Variants in GPRC5D observed in about 807,000 individuals in gnomAD.
The protein encoded by GPRC5D is G protein-coupled receptor class C group 5 member D.
Under a neutral mutation model 29.3 loss-of-function variants are expected in GPRC5D, and 20 were observed. The ratio of observed to expected loss-of-function variants is 0.68; its 90% CI spans 0.48 to 0.99. The LOEUF is 0.99. Among genes scored for constraint, GPRC5D ranks in the 50% least tolerant of loss-of-function variants. GPRC5D has a pLI of 0.00. For synonymous variants in GPRC5D, 178 were observed against 171.3 expected, an observed-to-expected ratio of 1.04 and a Z score of -0.30; for missense variants, 384 against 423.6, an observed-to-expected ratio of 0.91 and a Z score of 0.82.
At chr12:12,940,840 G>A in exon 3 of GPRC5D, 1 of 1,595,242 alleles carries the variant, frequency 6.3e-7, no homozygotes, top group Admixed American at 1.7e-5. Flanking sequence ...TCTTGTGTGG[G>A]ATCAACAGTC....
chr12:12,946,292 C>CT (rs1565478294), intron 1 of GPRC5D, among the ~76,000 whole-genome samples: 17 of 42,900 alleles, frequency 4.0e-4, no homozygotes, highest in African/African-American at 1.4e-3. Flanking sequence ...TCCTTCCTTT[C>CT]TTCCTTCCTT....
In GPRC5D at chr12:12,949,990, A is replaced by G. The variant is rs778141045; in HGVS notation, c.395T>C (p.Ile132Thr). The change falls in exon 1 of 3, where the codon ATT (isoleucine) becomes ACT (threonine). Residue 132 changes from isoleucine (I) to threonine (T), a missense_variant. Physicochemically the swap from Ile to Thr is moderately conservative, Grantham distance 89 (BLOSUM62 -1). Transcript: ENST00000228887. ...TTGCAACAGACTGCAACCAATAGCA[A>G]TGCACAGAATTGTCGTCCAGGAGAA... 21 of 1,614,162 alleles carry G rather than the reference A, an allele frequency of 1.3e-5. No homozygotes were observed. The highest frequency in any genetic ancestry group is 1.7e-5 in the Non-Finnish European group (20 of 1,180,010).
At position 12,949,542 on chromosome 12, in the gene GPRC5D, G is replaced by A. The variant is rs748011912; in HGVS notation, c.843C>T (p.Pro281=). 2.6e-5 allele frequency: 42 copies of A among 1,614,020 alleles called. No individual in the cohort carries two copies. In the East Asian group the frequency reaches 5.3e-4, roughly 21 times the overall value. The stretch of plus-strand genomic sequence containing the variant: ...GGAAGCTGTGTTGGTAGGCTGTGAC[G>A]GGGCAGGCATTGCCTTGTAAAGGGC... The change falls in exon 1 of 3, where the codon CCC becomes CCT. Residue 281 remains proline, a synonymous_variant. Coordinates refer to ENST00000228887, the Ensembl canonical transcript of GPRC5D.
chr12:12,946,081 A>G (rs1019032763), intron 1 of GPRC5D, among the ~76,000 whole-genome samples: 10 of 152,226 alleles, frequency 6.6e-5, no homozygotes, highest in South Asian at 6.2e-4. Flanking sequence ...TTCCAGGGAA[A>G]TGAAATTCTT....
chr12:12,941,898 A>T (rs1863158204), intron 2 of GPRC5D, among the ~76,000 whole-genome samples: 1 of 152,174 alleles, frequency 6.6e-6, no homozygotes, highest in Non-Finnish European at 1.5e-5. Context: ...CTAAAAGCTG[A>T]CCCCAAACTC....
chr12:12,941,706 A>G (rs1216291120), intron 2 of GPRC5D, among the ~76,000 whole-genome samples: 1 of 152,204 alleles, frequency 6.6e-6, no homozygotes, highest in Middle Eastern at 3.2e-3. Context: ...TTACCCCCAA[A>G]CTACTCAGCA....
exon 1 of GPRC5D, chr12:12,950,238 T>G: frequency 9.3e-6 from 15 of 1,614,050 alleles, no homozygotes; most frequent in Non-Finnish European, 1.3e-5. Context: ...CTTGGATCTT[T>G]CGCATGAGGA....
exon 1 of GPRC5D, chr12:12,949,671 G>A (rs4630382): frequency 0.37 from 591,449 of 1,613,622 alleles, 115,687 homozygotes; most frequent in Non-Finnish European, 0.4. Context: ...CGACCGGGTC[G>A]TCCCACTGGG....
At chr12:12,945,275 G>C (rs901009443) in intron 1 of GPRC5D, among the ~76,000 whole-genome samples, 3 of 152,112 alleles carry the variant, frequency 2.0e-5, no homozygotes, top group African/African-American at 7.2e-5. Flanking sequence ...AAAGTGCTGG[G>C]ATCACAGGCA....
upstream of GPRC5D, among the ~76,000 whole-genome samples, chr12:12,950,921 A>G (rs1374105579): frequency 1.3e-5 from 2 of 152,094 alleles, no homozygotes; most frequent in Non-Finnish European, 1.5e-5. Flanking sequence ...CCTGGCCAAC[A>G]TGGTGAAACC....
At chr12:12,943,214 G>A (rs1863197626) in intron 1 of GPRC5D, among the ~76,000 whole-genome samples, 1 of 152,210 alleles carries the variant, frequency 6.6e-6, no homozygotes, top group Non-Finnish European at 1.5e-5. Context: ...CAACCAGCCT[G>A]TAAGCTCTGT....
upstream of GPRC5D, among the ~76,000 whole-genome samples, chr12:12,951,918 GT>G (rs1863506365): frequency 6.6e-6 from 1 of 151,986 alleles, no homozygotes; most frequent in Non-Finnish European, 1.5e-5. Flanking sequence ...TTTTTGAACA[GT>G]TTAGTACGAA....
upstream of GPRC5D, chr12:12,952,087 G>A (rs1413217968): frequency 6.6e-6 from 1 of 152,066 alleles, no homozygotes; most frequent in Non-Finnish European, 1.5e-5. Flanking sequence ...TGAGAACATG[G>A]CCCCCCAATT....
chr12:12,950,638 C>T (rs954951495), upstream of GPRC5D, among the ~76,000 whole-genome samples: 10 of 152,090 alleles, frequency 6.6e-5, no homozygotes, highest in African/African-American at 2.4e-4. Context: ...GAAACCCCAT[C>T]TCTACTAAAA....
At chr12:12,944,270 C>T (rs2136492684) in intron 1 of GPRC5D, 1 of 152,220 alleles carries the variant, frequency 6.6e-6, no homozygotes, top group East Asian at 1.9e-4. Context: ...TCCAGCTAAG[C>T]TCTCTGAATC....
chr12:12,951,495 C>A (rs1021754905), upstream of GPRC5D, among the ~76,000 whole-genome samples: 4 of 152,306 alleles, frequency 2.6e-5, no homozygotes, highest in Admixed American at 2.0e-4. Context: ...AGAAAGGCAA[C>A]CTAAACCCTT....
At chr12:12,951,185 C>T (rs372618280), upstream of GPRC5D, among the ~76,000 whole-genome samples, 2 of 152,140 alleles carry the variant, frequency 1.3e-5, no homozygotes, top group Admixed American at 1.3e-4. Context: ...TTCGCACCAA[C>T]CTAATACCTA....
At chr12:12,950,412 G>A (rs1176204065), upstream of GPRC5D, 3 of 1,512,800 alleles carry the variant, frequency 2.0e-6, no homozygotes, top group Non-Finnish European at 2.7e-6. Context: ...GACCTCACCA[G>A]AATGGTTTTC....
At chr12:12,950,122 G>A (rs1450033190) in exon 1 of GPRC5D, 1 of 1,614,064 alleles carries the variant, frequency 6.2e-7, no homozygotes, top group Admixed American at 1.7e-5. Flanking sequence ...TACGGGGGCA[G>A]TTTGTTGATT....
Sources: gnomAD v4.1 joint callset for allele counts (sites outside exome capture counted in the v4.1 genomes callset) on GRCh38, gnomAD v4.1.1 for gene constraint, MANE v1.5 for transcripts, NCBI Gene and HGNC (gene_info 2026-07-23, HGNC 2026-07-21) for gene names.